BRD1: variants seen among roughly 807,000 people sequenced by gnomAD.
BRD1 encodes the protein bromodomain containing 1, also known as bromodomain-containing protein 1.
A neutral mutation model predicts 107.7 loss-of-function variants in BRD1; 24 were observed. The observed-to-expected ratio is 0.22, with a 90% CI of 0.16 to 0.31. The LOEUF is 0.31. Among genes scored for constraint, BRD1 ranks in the 10% least tolerant of loss-of-function variants. The pLI is 1.00. For missense variants in BRD1, 1,279 were observed against 1,638.6 expected (o/e 0.78, Z 3.79); for synonymous variants, 744 against 686.1 (o/e 1.08, Z -1.32).
chr22:49,821,578 G>A (rs1569139599), intron 2 of BRD1, among the ~76,000 whole-genome samples: 1 of 151,358 alleles, frequency 6.6e-6, no homozygotes, highest in East Asian at 1.9e-4. Context: ...GTAAAGTAGA[G>A]TAATATTAAC....
chr22:49,796,362 CTT>C (rs762043219), intron 6 of BRD1, among the ~76,000 whole-genome samples: 3 of 137,628 alleles, frequency 2.2e-5, no homozygotes, highest in Non-Finnish European at 3.2e-5. Flanking sequence ...TCTCTTTTTT[CTT>C]TTTTTTTTTG....
chr22:49,827,173 C>G (rs1296731189), intron 1 of BRD1, among the ~76,000 whole-genome samples: 1 of 151,268 alleles, frequency 6.6e-6, no homozygotes, highest in Non-Finnish European at 1.5e-5. Context: ...GGCAGGCGCC[C>G]GCGGCCCAGG....
At chr22:49,819,370 T>C (rs760393153) in intron 2 of BRD1, among the ~76,000 whole-genome samples, 5 of 151,846 alleles carry the variant, frequency 3.3e-5, no homozygotes, top group African/African-American at 9.7e-5. Context: ...GGCAGGCAGA[T>C]TGCTTGACCC....
chr22:49,804,069 G>C, intron 3 of BRD1, 135 bp downstream of exon 3: 3 of 699,576 alleles, frequency 4.3e-6, no homozygotes, highest in Non-Finnish European at 4.4e-6. Flanking sequence ...CTCCAGGGCT[G>C]GACGAGACGG....
chr22:49,811,804 G>A (rs1403745964), intron 2 of BRD1, among the ~76,000 whole-genome samples: 1 of 152,204 alleles, frequency 6.6e-6, no homozygotes, highest in African/African-American at 2.4e-5. Context: ...GAACAGGGAT[G>A]GAATGGGACA....
chr22:49,814,840 C>T (rs1333021357), intron 2 of BRD1, among the ~76,000 whole-genome samples: 1 of 152,222 alleles, frequency 6.6e-6, no homozygotes, highest in Non-Finnish European at 1.5e-5. Context: ...AACCCCACTT[C>T]TACCAAAAGT....
Position 49,797,808 on chromosome 22 carries a change from C to A in BRD1, c.2095G>T (p.Asp699Tyr). The A allele has an allele frequency of 6.3e-7, 1 of 1,593,128 alleles. No individual in the cohort carries two copies. The highest frequency in any genetic ancestry group is 8.5e-7 in the Non-Finnish European group (1 of 1,170,410). Residue 699 changes from aspartate to tyrosine, a missense_variant, in exon 6 of 13, where the codon GAC (aspartate) becomes TAC (tyrosine). Coordinates refer to ENST00000404760, the MANE Select transcript of BRD1 (RefSeq NM_001304808.3). ...CGGACACGGCGCCAGTTCTTACCGT[C>A]TTCCCAGGAGAAAGGCCGCCGCGGT... Reference protein sequence around the residue: ...AAPRRPFSWEDVDRLLDPANR... With the variant: ...AAPRRPFSWEYVDRLLDPANR...
At position 49,824,195 on chromosome 22, in the gene BRD1, C is replaced by A; in HGVS notation, c.123G>T (p.Glu41Asp). 1 of 1,613,990 alleles carries A rather than the reference C, an allele frequency of 6.2e-7. No homozygotes were observed. Among genetic ancestry groups the A allele is most frequent in the Admixed American group, 1.7e-5 (1 of 60,030 alleles). ...TGTGCAAGCGCCCTTCAATTTCTAT[C>A]TCTACCATCCTTTGAGCTTGAGCGT... is the stretch of plus-strand genomic sequence containing the variant. ...LTYAQAQRMV[E>D]IEIEGRLHRI... The change falls in exon 2 of 13, where the codon GAG (glutamate) becomes GAT (aspartate). Residue 41 changes from glutamate to aspartate, a missense_variant. Glu to Asp is a conservative substitution (Grantham distance 45). Around this residue, in one of 7 missense-constraint regions of BRD1, gnomAD observed 223 missense variants for 263.5 expected, o/e 0.85. Transcript: ENST00000404760. This position sits in a 1 kb window ranked among gnomAD's most constrained non-coding sequence, Gnocchi z 5.9.
rs781108454 is a variant in BRD1 at position 49,799,053 on chromosome 22, C to G, written c.1591G>C (p.Asp531His). 1.2e-6 allele frequency: 2 copies of G among 1,611,310 alleles called. No individual in the cohort carries two copies. Among genetic ancestry groups the G allele is most frequent in the African/African-American group, 1.3e-5 (1 of 75,064 alleles). ...KLKYWQRLRH[D>H]LERARLLIEL... ...ATCAGCAGGCGAGCGCGCTCCAGGT[C>G]GTGCCGCAGCCGCTGCCAGTACTTC... Residue 531 changes from aspartate (D) to histidine (H), a missense_variant, in exon 4 of 13, where the codon GAC (aspartate) becomes CAC (histidine). Coordinates refer to ENST00000404760, the MANE Select transcript of BRD1 (RefSeq NM_001304808.3).
chr22:49,782,660 A>G (rs1473561379), intron 8 of BRD1, among the ~76,000 whole-genome samples: 20 of 141,968 alleles, frequency 1.4e-4, no homozygotes, highest in East Asian at 6.7e-4. Context: ...GCTGGGACCC[A>G]CTCCGCGACA....
At chr22:49,811,481 C>T (rs557704233) in intron 2 of BRD1, among the ~76,000 whole-genome samples, 2 of 152,156 alleles carry the variant, frequency 1.3e-5, no homozygotes, top group African/African-American at 2.4e-5. Context: ...GGAACAGGAC[C>T]GAGCGCCAGC....
At chr22:49,810,609 G>A (rs1026532050) in intron 2 of BRD1, among the ~76,000 whole-genome samples, 1 of 152,160 alleles carries the variant, frequency 6.6e-6, no homozygotes, top group Non-Finnish European at 1.5e-5. Context: ...CCAGAACAGA[G>A]AACTCTTATG....
Position 49,792,189 on chromosome 22 carries a change from G to A in BRD1, c.2359+1845C>T, listed in dbSNP as rs536562131. Among the ~76,000 whole-genome samples the A allele has an allele frequency of 2.6e-5, 4 of 150,998 alleles. No homozygotes were observed. The East Asian group carries it at 7.7e-4, about 29-fold the overall frequency. ...AGGAAGCCACTGATAAAAAAAAAAA[G>A]CTAAAAAGGTAACTTACTGCTCTAC... is the stretch of plus-strand genomic sequence containing the variant. On this transcript the variant is annotated intron_variant, in intron 7 of 12. Transcript: ENST00000404760. This position sits in a 1 kb window ranked among gnomAD's most constrained non-coding sequence, Gnocchi z 4.2.
intron 7 of BRD1, among the ~76,000 whole-genome samples, chr22:49,791,340 A>G (rs944700542): frequency 9.9e-5 from 15 of 152,238 alleles, no homozygotes; most frequent in East Asian, 9.6e-4. Flanking sequence ...TTCAGACACT[A>G]AAGTCTCAGG....
intron 2 of BRD1, chr22:49,820,836 T>C (rs1433033977): frequency 6.6e-6 from 1 of 152,306 alleles, no homozygotes; most frequent in Non-Finnish European, 1.5e-5. Context: ...TCCAGCACCA[T>C]GGTGCCAACA....
At chr22:49,795,352 C>A (rs1473945593) in intron 6 of BRD1, among the ~76,000 whole-genome samples, 1 of 152,200 alleles carries the variant, frequency 6.6e-6, no homozygotes, top group Non-Finnish European at 1.5e-5. Context: ...CCTCAAGGCA[C>A]ACCATGGCCA....
At chr22:49,779,601 T>C (rs1386256527) in intron 8 of BRD1, among the ~76,000 whole-genome samples, 1 of 151,844 alleles carries the variant, frequency 6.6e-6, no homozygotes, top group Non-Finnish European at 1.5e-5. Context: ...CAAATAAATT[T>C]AAAAACCTAC....
rs1393913575 is a variant in BRD1 at position 49,787,796 on chromosome 22, T to C, written c.2451A>G (p.Pro817=). ...TACTCTGCTCTGGGTTGAGTTCTAC[T>C]GGTTTGAGGGTTGGTGGTTCTGAAT... ...ETNSEPPTLK[P]VELNPEQSKL... Residue 817 remains proline (P), a synonymous_variant, in exon 8 of 13, where the codon CCA becomes CCG. Coordinates refer to ENST00000404760, the MANE Select transcript of BRD1 (RefSeq NM_001304808.3). The C allele has an allele frequency of 6.4e-7, 1 of 1,550,912 alleles. No homozygotes were observed. The highest frequency in any genetic ancestry group is 8.7e-7 in the Non-Finnish European group (1 of 1,147,062).
Position 49,818,241 on chromosome 22 carries a change from G to A in BRD1, c.1367+4710C>T, listed in dbSNP as rs116302664. 1,867 of 1,224,624 alleles carry A rather than the reference G, an allele frequency of 1.5e-3. 20 individuals carry two copies. In the African/African-American group the frequency reaches 0.025, roughly 17 times the overall value. 75.9% of individuals were successfully genotyped at this position (1,224,624 alleles called of 1,614,324 possible). On this transcript the variant is annotated intron_variant, in intron 2 of 12. Coordinates refer to ENST00000404760, the MANE Select transcript of BRD1 (RefSeq NM_001304808.3). The stretch of plus-strand genomic sequence containing the variant: ...CCTTGCCTATCTGAGGTTCTTGTCC[G>A]TGAGGCTGAAGTCCAGGCTCTCGTA...
Sources: gnomAD v4.1 joint callset for allele counts (sites outside exome capture counted in the v4.1 genomes callset) on GRCh38, gnomAD v4.1.1 for gene constraint, gnomAD v4.1.1 regional missense constraint, Gnocchi (gnomAD v3.1) non-coding constraint, MANE v1.5 for transcripts, NCBI Gene and HGNC (gene_info 2026-07-23, HGNC 2026-07-21) for gene names.